ROBO2: variants seen among roughly 807,000 people sequenced by gnomAD.
ROBO2 encodes the protein roundabout guidance receptor 2.
A neutral mutation model predicts 160.8 loss-of-function variants in ROBO2; 53 were observed. That is an observed-to-expected ratio of 0.33 (90% CI 0.26 to 0.41). The LOEUF is 0.41. Among genes scored for constraint, ROBO2 ranks in the 10% least tolerant of loss-of-function variants. The probability of loss-of-function intolerance (pLI) is 1.00; values close to 1 mark genes in which losing one functional copy is unlikely to be tolerated. For missense variants in ROBO2, 1,577 were observed against 1,722.4 expected, an observed-to-expected ratio of 0.92 and a Z score of 1.49; for synonymous variants, 664 against 611.7, an observed-to-expected ratio of 1.09 and a Z score of -1.26.
intron 16 of ROBO2, among the ~76,000 whole-genome samples, chr3:77,583,816 A>G (rs2093977051): frequency 6.6e-6 from 1 of 152,180 alleles, no homozygotes; most frequent in African/African-American, 2.4e-5. Flanking sequence ...GCAGGCACAT[A>G]CATTACTGTC....
At chr3:76,493,468 C>T (rs2079964820) in intron 2 of ROBO2, among the ~76,000 whole-genome samples, 1 of 150,874 alleles carries the variant, frequency 6.6e-6, no homozygotes, top group Admixed American at 6.6e-5. Context: ...TAAAAGATTG[C>T]TTTAGGCTGT....
intron 2 of ROBO2, among the ~76,000 whole-genome samples, chr3:76,785,052 G>T (rs2062884282): frequency 6.6e-6 from 1 of 151,004 alleles, no homozygotes; most frequent in Non-Finnish European, 1.5e-5. Context: ...TGTTTCTACG[G>T]GGAAATGAGA....
intron 5 of ROBO2, among the ~76,000 whole-genome samples, chr3:77,502,692 G>A: frequency 6.6e-6 from 1 of 152,000 alleles, no homozygotes; most frequent in East Asian, 1.9e-4. Context: ...AAAAATAATA[G>A]AAATAAAAAT....
chr3:76,532,370 G>A (rs181566777), intron 2 of ROBO2, among the ~76,000 whole-genome samples: 191 of 152,256 alleles, frequency 1.3e-3, no homozygotes, highest in African/African-American at 4.4e-3. Flanking sequence ...CACACTTTTG[G>A]AGGTTGCCCT....
At chr3:77,644,104 G>T (rs1445151245) in intron 24 of ROBO2, among the ~76,000 whole-genome samples, 1 of 128,930 alleles carries the variant, frequency 7.8e-6, no homozygotes, top group African/African-American at 3.0e-5. Flanking sequence ...TGAGTTATTT[G>T]TAGAGAGACA....
intron 2 of ROBO2, among the ~76,000 whole-genome samples, chr3:76,595,476 C>T (rs1253220046): frequency 6.6e-6 from 1 of 151,874 alleles, no homozygotes; most frequent in Admixed American, 6.6e-5. Context: ...TACATTCTTA[C>T]TTGTGTGACA....
At chr3:76,900,939 T>C (rs941019234) in intron 2 of ROBO2, among the ~76,000 whole-genome samples, 21 of 152,190 alleles carry the variant, frequency 1.4e-4, no homozygotes, top group Non-Finnish European at 4.4e-5. Flanking sequence ...AAATTCACAA[T>C]CTTGTGTTGT....
At chr3:77,130,592 A>G (rs1048902696) in intron 2 of ROBO2, among the ~76,000 whole-genome samples, 1 of 152,236 alleles carries the variant, frequency 6.6e-6, no homozygotes, top group Non-Finnish European at 1.5e-5. Context: ...TAGCACAGGC[A>G]TCACCTCACA....
intron 2 of ROBO2, among the ~76,000 whole-genome samples, chr3:76,335,872 G>A (rs1048325344): frequency 6.6e-6 from 1 of 152,106 alleles, no homozygotes; most frequent in African/African-American, 2.4e-5. Context: ...CACCGCGCCC[G>A]GCCTAAAGCC....
intron 2 of ROBO2, among the ~76,000 whole-genome samples, chr3:76,948,908 ATT>A (rs1157110855): frequency 4.7e-3 from 118 of 24,846 alleles, no homozygotes; most frequent in African/African-American, 0.016. Flanking sequence ...ATATATATAT[ATT>A]TTTTTTTTTT....
intron 2 of ROBO2, among the ~76,000 whole-genome samples, chr3:77,006,037 G>C (rs1213328594): frequency 2.9e-5 from 4 of 138,562 alleles, no homozygotes; most frequent in African/African-American, 1.1e-4. Flanking sequence ...AGATATATTT[G>C]CTTATAGACT....
chr3:76,430,064 G>T (rs2076375978), intron 2 of ROBO2, among the ~76,000 whole-genome samples: 1 of 152,158 alleles, frequency 6.6e-6, no homozygotes, highest in African/African-American at 2.4e-5. Flanking sequence ...CAGAGGTGAG[G>T]CAAAGGGGAT....
chr3:75,927,976 CTTTTTTTTTTTTTTTT>C (rs71101865), intron 1 of ROBO2, among the ~76,000 whole-genome samples: 7 of 104,002 alleles, frequency 6.7e-5, no homozygotes, highest in Non-Finnish European at 1.3e-4. Flanking sequence ...GATTTTCTCT[CTTTTTTTTTTTTTTTT>C]TTTTTTTTTT....
chr3:77,537,806 G>A (rs2092225302), intron 6 of ROBO2, among the ~76,000 whole-genome samples: 1 of 152,088 alleles, frequency 6.6e-6, no homozygotes, highest in Admixed American at 6.5e-5. Context: ...AGAGCCCTTT[G>A]TGGGGGAACT....
chr3:77,568,317 C>A, exon 13 of ROBO2: 1 of 1,612,650 alleles, frequency 6.2e-7, no homozygotes, highest in African/African-American at 1.3e-5. Flanking sequence ...CTGCAGATAT[C>A]AGCCCACCAG....
chr3:77,399,092 T>C (rs2153508456), intron 2 of ROBO2, among the ~76,000 whole-genome samples: 1 of 152,316 alleles, frequency 6.6e-6, no homozygotes, highest in Non-Finnish European at 1.5e-5. Context: ...TTGCCAAGTT[T>C]GATTTTTTAA....
At chr3:77,307,940 A>G (rs2063228572) in intron 2 of ROBO2, among the ~76,000 whole-genome samples, 1 of 152,100 alleles carries the variant, frequency 6.6e-6, no homozygotes, top group Non-Finnish European at 1.5e-5. Flanking sequence ...CCTGAGCAAC[A>G]GAATGAAACT....
chr3:76,037,871 A>G (rs2067165144), intron 2 of ROBO2, among the ~76,000 whole-genome samples: 1 of 152,108 alleles, frequency 6.6e-6, no homozygotes, highest in African/African-American at 2.4e-5. Flanking sequence ...TTTAAAAACA[A>G]AGAAAGATTC....
intron 2 of ROBO2, among the ~76,000 whole-genome samples, chr3:77,223,869 G>GTAAT (rs2086145050): frequency 8.1e-6 from 1 of 123,332 alleles, no homozygotes; most frequent in Non-Finnish European, 2.0e-5. Flanking sequence ...TGGTTAGCTT[G>GTAAT]GAATATTGTT....
Sources: allele counts gnomAD v4.1 joint callset (sites outside exome capture counted in the v4.1 genomes callset), GRCh38; gene constraint gnomAD v4.1.1; transcripts MANE v1.5; gene names NCBI Gene and HGNC (gene_info 2026-07-23, HGNC 2026-07-21).